Variants in PARD3 observed in about 807,000 individuals in gnomAD.
The protein encoded by PARD3 is partitioning defective 3 homolog.
A neutral mutation model predicts 155.4 loss-of-function variants in PARD3; 75 were observed. That is an observed-to-expected ratio of 0.48 (90% confidence interval 0.40 to 0.58). The LOEUF (loss-of-function observed/expected upper bound fraction) is 0.58. Ranked by LOEUF, PARD3 falls within the 20% of genes least tolerant of loss-of-function variation. The pLI, the probability that PARD3 is intolerant of heterozygous loss-of-function variation, is 0.00. For synonymous variants in PARD3, 576 were observed against 610.5 expected (o/e 0.94, Z 0.83); for missense variants, 1,642 against 1,721.7 (o/e 0.95, Z 0.82).
At chr10:34,645,255 G>C (rs1234518952) in intron 2 of PARD3, among the ~76,000 whole-genome samples, 4 of 151,722 alleles carry the variant, frequency 2.6e-5, no homozygotes, top group African/African-American at 7.3e-5. Context: ...ACCCAGACTG[G>C]AGTGCAGTGA....
At chr10:34,757,361 A>G (rs1053700269) in intron 1 of PARD3, among the ~76,000 whole-genome samples, 1 of 152,220 alleles carries the variant, frequency 6.6e-6, no homozygotes, top group Non-Finnish European at 1.5e-5. Flanking sequence ...CCTGTCCTTC[A>G]TCTACCTGTC....
chr10:34,223,232 A>G (rs1952407085), intron 22 of PARD3, among the ~76,000 whole-genome samples: 1 of 152,136 alleles, frequency 6.6e-6, no homozygotes, highest in Admixed American at 6.5e-5. Context: ...GATGTTACAC[A>G]AGACAACTGG....
At chr10:34,312,217 A>G in intron 20 of PARD3, 2 of 1,516,476 alleles carry the variant, frequency 1.3e-6, no homozygotes, top group Non-Finnish European at 8.9e-7. Context: ...CTAAACCATC[A>G]AACTGCTGAT....
At chr10:34,764,563 C>T (rs889792458) in intron 1 of PARD3, among the ~76,000 whole-genome samples, 2 of 152,084 alleles carry the variant, frequency 1.3e-5, no homozygotes, top group African/African-American at 4.8e-5. Context: ...GGCCATGTGT[C>T]TGTGCCGGCA....
intron 2 of PARD3, among the ~76,000 whole-genome samples, chr10:34,685,757 C>T (rs1437602735): frequency 6.6e-6 from 1 of 152,086 alleles, no homozygotes; most frequent in Non-Finnish European, 1.5e-5. Flanking sequence ...CCAAACCTGG[C>T]TAATTTTTGT....
At chr10:34,579,582 G>GTGTGTGTC (rs2087239665) in intron 2 of PARD3, among the ~76,000 whole-genome samples, 1 of 138,438 alleles carries the variant, frequency 7.2e-6, no homozygotes, top group Non-Finnish European at 1.6e-5. Flanking sequence ...GTGTGTGTGT[G>GTGTGTGTC]TGTGTGTGTG....
chr10:34,224,807 T>C (rs567183308), intron 22 of PARD3, among the ~76,000 whole-genome samples: 1 of 152,316 alleles, frequency 6.6e-6, no homozygotes, highest in East Asian at 1.9e-4. Flanking sequence ...TCATTAGGCC[T>C]GGAGCACTTA....
intron 7 of PARD3, among the ~76,000 whole-genome samples, chr10:34,394,039 T>C (rs1048556412): frequency 1.3e-5 from 2 of 151,924 alleles, no homozygotes; most frequent in Non-Finnish European, 2.9e-5. Flanking sequence ...GGCTTCACCA[T>C]GTTGGCCAGG....
chr10:34,512,477 T>C (rs1422248894), intron 3 of PARD3, among the ~76,000 whole-genome samples: 1 of 152,184 alleles, frequency 6.6e-6, no homozygotes, highest in Non-Finnish European at 1.5e-5. Flanking sequence ...TGCCCTATTT[T>C]CTGATATGAC....
chr10:34,344,781 C>A, intron 15 of PARD3: 1 of 985,338 alleles, frequency 1.0e-6, no homozygotes, highest in East Asian at 1.1e-4. Context: ...TGGTCACAAT[C>A]CTGTCTGACC....
At chr10:34,355,945 A>AC (rs1426719367) in intron 14 of PARD3, among the ~76,000 whole-genome samples, 1 of 124,214 alleles carries the variant, frequency 8.1e-6, no homozygotes, top group Admixed American at 7.9e-5. Context: ...AAAAAAAAAA[A>AC]ACAAAACAAA....
intron 1 of PARD3, among the ~76,000 whole-genome samples, chr10:34,700,673 T>A (rs1455898158): frequency 1.3e-5 from 2 of 152,114 alleles, no homozygotes; most frequent in Non-Finnish European, 2.9e-5. Flanking sequence ...ACATCAGAAA[T>A]TAAAATTTAT....
intron 22 of PARD3, among the ~76,000 whole-genome samples, chr10:34,215,481 A>G (rs1247165413): frequency 6.6e-6 from 1 of 152,260 alleles, no homozygotes; most frequent in Non-Finnish European, 1.5e-5. Flanking sequence ...TATGTTTCAC[A>G]AGAAAGCGTG....
At chr10:34,317,049 C>T in intron 20 of PARD3, 58 bp downstream of exon 20, 2 of 1,461,990 alleles carry the variant, frequency 1.4e-6, no homozygotes, top group Non-Finnish European at 1.8e-6. Context: ...GTACTTTTTG[C>T]TAAGCTCACA....
intron 2 of PARD3, among the ~76,000 whole-genome samples, chr10:34,653,701 T>C (rs1278314721): frequency 1.3e-5 from 2 of 151,486 alleles, no homozygotes; most frequent in Non-Finnish European, 2.9e-5. Context: ...GAGGATCACT[T>C]GAGCCCAGGA....
chr10:34,163,605 A>G (rs1588981841), intron 22 of PARD3, among the ~76,000 whole-genome samples: 1 of 152,132 alleles, frequency 6.6e-6, no homozygotes, highest in Non-Finnish European at 1.5e-5. Flanking sequence ...CTAATAATAA[A>G]TATTTTTGGC....
chr10:34,631,399 A>G lies in PARD3; in HGVS notation c.222+64919T>C, dbSNP rs1350059842. Among the ~76,000 whole-genome samples, 3 of 152,200 alleles carry G rather than the reference A, an allele frequency of 2.0e-5. No individual in the cohort carries two copies. The East Asian group carries it at 5.8e-4, about 29-fold the overall frequency. On this transcript the variant is annotated intron_variant, in intron 2 of 24. Coordinates refer to ENST00000374788, the MANE Select transcript of PARD3 (RefSeq NM_001184785.2). ...AAAACATTCTCAAGGCCAAGTCATC[A>G]GCCCTTACCCTTAGGAGGGGGCAGT...
At chr10:34,316,983 G>T in intron 20 of PARD3, 124 bp downstream of exon 20, 2 of 813,012 alleles carry the variant, frequency 2.5e-6, no homozygotes, top group Non-Finnish European at 3.6e-6. Context: ...ATTCCTCCCA[G>T]TTCAGCCTCC....
chr10:34,696,488 A>C lies in PARD3; in HGVS notation c.121-69T>G. 7 of 945,664 alleles carry C rather than the reference A, an allele frequency of 7.4e-6. No individual in the cohort carries two copies. In the South Asian group the frequency reaches 8.1e-5, roughly 11 times the overall value. The allele number at this position is 945,664 out of a possible 1,614,324, so 58.6% of individuals were successfully genotyped here. A position where few individuals can be genotyped will look rare whatever the true frequency, so the allele number is the denominator to read the frequency against. On this transcript the variant is annotated intron_variant, in intron 1 of 24. Coordinates refer to ENST00000374788, the MANE Select transcript of PARD3 (RefSeq NM_001184785.2). ...ACCAAAAGGGAATTAGACATTTTAA[A>C]CCGTGATAACTTCCTGCCCATAAAA...
Sources: allele counts gnomAD v4.1 joint callset (sites outside exome capture counted in the v4.1 genomes callset), GRCh38; gene constraint gnomAD v4.1.1; transcripts MANE v1.5; gene names NCBI Gene and HGNC (gene_info 2026-07-23, HGNC 2026-07-21).